Variants in CSDC2 observed in about 807,000 individuals in gnomAD.
CSDC2 encodes cold shock domain-containing protein C2.
In CSDC2, 8 loss-of-function variants were observed where a neutral mutation model predicts 15.8. The observed-to-expected ratio is 0.51, with a 90% CI of 0.30 to 0.92. The LOEUF is 0.92. Among genes scored for constraint, CSDC2 ranks in the 40% least tolerant of loss-of-function variants. The probability of loss-of-function intolerance (pLI) is 0.07; values close to 1 mark genes in which losing one functional copy is unlikely to be tolerated. For missense variants in CSDC2, 195 were observed against 213.3 expected (o/e 0.91, Z 0.53); for synonymous variants, 96 against 92.3 (o/e 1.04, Z -0.23).
At chr22:41,561,839 G>A (rs1291358180) in intron 1 of CSDC2, among the ~76,000 whole-genome samples, 1 of 152,218 alleles carries the variant, frequency 6.6e-6, no homozygotes, top group East Asian at 1.9e-4. Context: ...AGCCCCCGGA[G>A]GGCAGGGGTG....
At chr22:41,573,606 GGGA>G (rs747454805) in intron 2 of CSDC2, 46 bp from the exon 3 acceptor site, 1 of 1,576,760 alleles carries the variant, frequency 6.3e-7, no homozygotes, top group Non-Finnish European at 8.6e-7. Context: ...TAGGGATCCG[GGGA>G]GGAGTTCCTC....
chr22:41,566,221 G>A (rs1046989472), intron 1 of CSDC2, among the ~76,000 whole-genome samples: 2 of 151,302 alleles, frequency 1.3e-5, no homozygotes, highest in Admixed American at 6.6e-5. Context: ...TGAGGTGGGC[G>A]GATCATGAGG....
At chr22:41,566,441 TAAA>T (rs754976750) in intron 1 of CSDC2, among the ~76,000 whole-genome samples, 12 of 45,822 alleles carry the variant, frequency 2.6e-4, no homozygotes, top group Non-Finnish European at 3.9e-4. Flanking sequence ...AGACTCCATC[TAAA>T]AAAAAAAAAA....
At chr22:41,566,971 G>T in intron 1 of CSDC2, among the ~76,000 whole-genome samples, 1 of 151,842 alleles carries the variant, frequency 6.6e-6, no homozygotes, top group East Asian at 1.9e-4. Flanking sequence ...GGGTTGCAGT[G>T]GAACAAGGAT....
At chr22:41,574,197 G>A (rs1473095280) in intron 3 of CSDC2, among the ~76,000 whole-genome samples, 4 of 152,358 alleles carry the variant, frequency 2.6e-5, no homozygotes, top group Admixed American at 1.3e-4. Flanking sequence ...GGACCTCCCC[G>A]TGCCCTTTCA....
Position 41,563,059 on chromosome 22 carries a change from C to T in CSDC2, c.-124+1876C>T, listed in dbSNP as rs144878706. ...CACCACCACCCAAGCCACAGAAGCC[C>T]AAAGGCCTTAACCACAGCAGTTCCC... On this transcript the variant is annotated intron_variant, in intron 1 of 3. Transcript: ENST00000306149. 3.9e-3 allele frequency among the ~76,000 whole-genome samples: 590 copies of T among 152,264 alleles called. 3 individuals carry two copies. Among genetic ancestry groups the T allele is most frequent in the Middle Eastern group, 0.01 (3 of 294 alleles).
chr22:41,575,019 C>T lies in CSDC2; in HGVS notation c.*124C>T, dbSNP rs1479689051. On this transcript the variant is annotated 3_prime_UTR_variant, in exon 4 of 4. Transcript: ENST00000306149. ...CCTTCGGTGGCCTCAGTGTGCACGTCTGTCTGTCCGTCTGTGCTTGTGGCT... is the reference window on the plus strand; with the variant it reads ...CCTTCGGTGGCCTCAGTGTGCACGTTTGTCTGTCCGTCTGTGCTTGTGGCT... 2 of 1,141,920 alleles carry T rather than the reference C, an allele frequency of 1.8e-6. No homozygotes were observed. Among genetic ancestry groups the T allele is most frequent in the African/African-American group, 3.1e-5 (2 of 64,532 alleles). The allele number at this position is 1,141,920 out of a possible 1,614,324, so 70.7% of individuals were successfully genotyped here. A position where few individuals can be genotyped will look rare whatever the true frequency, so the allele number is the denominator to read the frequency against.
intron 1 of CSDC2, among the ~76,000 whole-genome samples, chr22:41,562,585 G>T (rs1308066542): frequency 6.6e-6 from 1 of 152,100 alleles, no homozygotes; most frequent in East Asian, 1.9e-4. Flanking sequence ...CAGATGGCTG[G>T]TGGGGAGGGG....
intron 2 of CSDC2, among the ~76,000 whole-genome samples, chr22:41,573,369 AT>A (rs201951750): frequency 5.3e-5 from 8 of 150,822 alleles, no homozygotes; most frequent in African/African-American, 1.7e-4. Context: ...AAAAAAAAAA[AT>A]TTTTTTTGTA....
chr22:41,573,484 C>T (rs575381776), intron 2 of CSDC2, among the ~76,000 whole-genome samples, 171 bp from the exon 3 acceptor site: 1 of 152,244 alleles, frequency 6.6e-6, no homozygotes, highest in East Asian at 1.9e-4. Flanking sequence ...AGGTGTGAGC[C>T]ACCGTGCCTG....
At chr22:41,566,467 A>C (rs980486664) in intron 1 of CSDC2, among the ~76,000 whole-genome samples, 18 of 134,424 alleles carry the variant, frequency 1.3e-4, no homozygotes, top group East Asian at 1.2e-3. Context: ...AAAAAAAAAA[A>C]CACACAAAAA....
chr22:41,563,093 C>A (rs1322951113), intron 1 of CSDC2, among the ~76,000 whole-genome samples: 1 of 152,150 alleles, frequency 6.6e-6, no homozygotes, highest in Admixed American at 6.5e-5. Flanking sequence ...CCCAGGGCAG[C>A]CTGGGCATGT....
chr22:41,571,177 A>AC (rs778390118), intron 1 of CSDC2, among the ~76,000 whole-genome samples: 3 of 151,692 alleles, frequency 2.0e-5, no homozygotes, highest in Non-Finnish European at 2.9e-5. Flanking sequence ...ACATGGTGAG[A>AC]CCCCATCTCT....
At chr22:41,570,226 T>TG in intron 1 of CSDC2, among the ~76,000 whole-genome samples, 1 of 152,320 alleles carries the variant, frequency 6.6e-6, no homozygotes, top group South Asian at 2.1e-4. Flanking sequence ...GTTGAGGGTC[T>TG]GTGAGGCAAG....
In CSDC2 at chr22:41,575,350, C is replaced by T. The variant is rs950759679; in HGVS notation, c.*455C>T. The T allele has an allele frequency of 5.8e-6, 1 of 171,830 alleles. No homozygotes were observed. Among genetic ancestry groups the T allele is most frequent in the South Asian group, 1.5e-4 (1 of 6,490 alleles). 10.6% of individuals were successfully genotyped at this position (171,830 alleles called of 1,614,324 possible). A position where few individuals can be genotyped will look rare whatever the true frequency, so the allele number is the denominator to read the frequency against. ...TCTCCCTCCCTTGGCTGAGGTCCCC[C>T]GCCACAGCCTGGACCCTTCCCTCAG... is the stretch of plus-strand genomic sequence containing the variant. On this transcript the variant is annotated 3_prime_UTR_variant, in exon 4 of 4. Transcript: ENST00000306149.
chr22:41,568,132 C>CTTTTTTTT (rs1468961578), intron 1 of CSDC2, among the ~76,000 whole-genome samples: 1 of 5,612 alleles, frequency 1.8e-4, no homozygotes, highest in Non-Finnish European at 2.7e-4. Context: ...CTCTCTCCCT[C>CTTTTTTTT]TCTTTTTTTT....
At chr22:41,573,507 T>A (rs1310780630) in intron 2 of CSDC2, 148 bp from the exon 3 acceptor site, 12 of 914,906 alleles carry the variant, frequency 1.3e-5, no homozygotes, top group Non-Finnish European at 2.0e-5. Flanking sequence ...CTCATTATCG[T>A]TGAATGGGGA....
At position 41,571,758 on chromosome 22, in the gene CSDC2, G is replaced by A. The variant is rs189801538; in HGVS notation, c.-123-85G>A. 5 of 394,016 alleles carry A rather than the reference G, an allele frequency of 1.3e-5. No individual in the cohort carries two copies. The East Asian group carries it at 1.8e-4, about 14-fold the overall frequency. The allele number at this position is 394,016 out of a possible 1,614,324, so 24.4% of individuals were successfully genotyped here. ...AAGTAACGCCGTGAGGATAGCAGGT[G>A]GGACCAGCCCTCCTCACTGTGGCCA... On this transcript the variant is annotated intron_variant, in intron 1 of 3. Transcript: ENST00000306149.
chr22:41,564,000 C>T (rs943306108), intron 1 of CSDC2, among the ~76,000 whole-genome samples: 2 of 149,298 alleles, frequency 1.3e-5, no homozygotes, highest in African/African-American at 4.9e-5. Context: ...AGGAGAATGG[C>T]GGGAACCTGG....
Sources: allele counts gnomAD v4.1 joint callset (sites outside exome capture counted in the v4.1 genomes callset), GRCh38; gene constraint gnomAD v4.1.1; transcripts MANE v1.5; gene names NCBI Gene and HGNC (gene_info 2026-07-23, HGNC 2026-07-21).